ANKS1A: variants seen among roughly 807,000 people sequenced by gnomAD.
ANKS1A encodes the protein ankyrin repeat and SAM domain-containing protein 1A.
In ANKS1A, 55 loss-of-function variants were observed where a neutral mutation model predicts 120.3. The ratio of observed to expected loss-of-function variants is 0.46; its 90% CI spans 0.37 to 0.57. The LOEUF is 0.57. Ranked by LOEUF, ANKS1A falls within the 20% of genes least tolerant of loss-of-function variation. The pLI, the probability that ANKS1A is intolerant of heterozygous loss-of-function variation, is 0.00. For missense variants in ANKS1A, 1,123 were observed against 1,480.3 expected (o/e 0.76, Z 3.96); for synonymous variants, 590 against 604.7 (o/e 0.98, Z 0.36).
the ANKS1A span, among the ~76,000 whole-genome samples, chr6:35,097,197 A>G: frequency 1.3e-5 from 2 of 152,140 alleles, no homozygotes; most frequent in African/African-American, 4.8e-5. Context: ...TTAATAGTCT[A>G]CAAGAAAAAG....
intron 13 of ANKS1A, among the ~76,000 whole-genome samples, chr6:35,074,128 G>A (rs1360357172): frequency 2.0e-5 from 3 of 152,376 alleles, no homozygotes; most frequent in African/African-American, 7.2e-5. Context: ...TTTCCTCGCT[G>A]TCAGCCTTCA....
chr6:35,082,840 C>A lies in ANKS1A; in HGVS notation c.2835+24C>A. 1.2e-6 allele frequency: 2 copies of A among 1,600,278 alleles called. No homozygotes were observed. The highest frequency in any genetic ancestry group is 1.7e-6 in the Non-Finnish European group (2 of 1,173,302). The stretch of plus-strand genomic sequence containing the variant: ...ATGTGAGTTGCTCCCACCCTCCCAG[C>A]AGGGCCGGCCTCCCTGCTCCTTCTC... On this transcript the variant is annotated intron_variant, in intron 18 of 23. Transcript: ENST00000360359. This position sits in a 1 kb window ranked among gnomAD's most constrained non-coding sequence, Gnocchi z 4.1.
intron 13 of ANKS1A, among the ~76,000 whole-genome samples, chr6:35,070,533 A>G (rs1777029022): frequency 8.4e-6 from 1 of 118,356 alleles, no homozygotes; most frequent in South Asian, 2.8e-4. Context: ...TCTGTTGCCC[A>G]GGCTAGAGTA....
chr6:35,079,240 C>T (rs746253649), intron 14 of ANKS1A, among the ~76,000 whole-genome samples: 23 of 152,014 alleles, frequency 1.5e-4, no homozygotes, highest in Admixed American at 3.3e-4. Flanking sequence ...AGGGCGGAGG[C>T]GTTCTGCAGA....
At chr6:34,977,678 G>C (rs1279521601) in intron 3 of ANKS1A, among the ~76,000 whole-genome samples, 1 of 152,064 alleles carries the variant, frequency 6.6e-6, no homozygotes, top group East Asian at 1.9e-4. Context: ...CTGCTTTCCA[G>C]AACAATACAG....
chr6:34,889,879 T>G lies in ANKS1A; in HGVS notation c.197+280T>G, dbSNP rs13218101. Among the ~76,000 whole-genome samples, 1 of 151,978 alleles carries G rather than the reference T, an allele frequency of 6.6e-6. No homozygotes were observed. Among genetic ancestry groups the G allele is most frequent in the South Asian group, 2.1e-4 (1 of 4,820 alleles). ...GCCGCATGGCACAGCCAGGGTTCAC[T>G]CTCGCTCGCTACAGGGTGCCAGCTA... is the stretch of plus-strand genomic sequence containing the variant. On this transcript the variant is annotated intron_variant, in intron 1 of 23. Transcript: ENST00000360359. The surrounding 1 kb of genome is among the most constrained non-coding windows in gnomAD (Gnocchi z 5.5).
rs888923903 is a variant in ANKS1A at position 35,075,607 on chromosome 6, G to T, written c.2185-2951G>T. The stretch of plus-strand genomic sequence containing the variant: ...ATTTTTGTATATTTAGTAGAGACGG[G>T]GTTTCACCGTGTTGGTCAGGCTGGT... On this transcript the variant is annotated intron_variant, in intron 13 of 23. Transcript: ENST00000360359. Among the ~76,000 whole-genome samples, 4 of 151,932 alleles carry T rather than the reference G, an allele frequency of 2.6e-5. No individual in the cohort carries two copies. The South Asian group carries it at 8.3e-4, about 32-fold the overall frequency.
chr6:34,908,776 A>G lies in ANKS1A; in HGVS notation c.197+19177A>G, dbSNP rs548120484. ...TTTGCTGACCCTTTACAATAACAAC[A>G]TGGCCCCAGGACAGAGTCACCGTTT... On this transcript the variant is annotated intron_variant, in intron 1 of 23. Transcript: ENST00000360359. Among the ~76,000 whole-genome samples, 4 of 152,216 alleles carry G rather than the reference A, an allele frequency of 2.6e-5. No individual in the cohort carries two copies. In the South Asian group the frequency reaches 8.3e-4, roughly 32 times the overall value.
intron 11 of ANKS1A, among the ~76,000 whole-genome samples, chr6:35,018,573 A>G (rs996761758): frequency 6.6e-6 from 1 of 152,040 alleles, no homozygotes; most frequent in Non-Finnish European, 1.5e-5. Flanking sequence ...CAGGGGGTAC[A>G]TGTGCAGGTT....
At chr6:34,951,408 G>A (rs1045324721) in intron 1 of ANKS1A, among the ~76,000 whole-genome samples, 2 of 152,074 alleles carry the variant, frequency 1.3e-5, no homozygotes, top group Non-Finnish European at 2.9e-5. Context: ...TTACATAGAG[G>A]TTACATGATT....
At chr6:34,981,634 T>A in intron 3 of ANKS1A, 56 bp from the exon 4 acceptor site, 1 of 1,564,176 alleles carries the variant, frequency 6.4e-7, no homozygotes, top group Non-Finnish European at 8.7e-7. Context: ...GTTGTCCCAG[T>A]CAGGTGCCTG....
Position 34,889,353 on chromosome 6 carries a change from G to A in ANKS1A, c.-50G>A. The A allele has an allele frequency of 8.0e-7, 1 of 1,243,792 alleles. No homozygotes were observed. Among genetic ancestry groups the A allele is most frequent in the Non-Finnish European group, 1.0e-6 (1 of 995,350 alleles). 77.0% of individuals were successfully genotyped at this position (1,243,792 alleles called of 1,614,324 possible). On this transcript the variant is annotated 5_prime_UTR_variant, in exon 1 of 24. Transcript: ENST00000360359. The surrounding 1 kb of genome is among the most constrained non-coding windows in gnomAD (Gnocchi z 5.5). ...GACGGAAAGTTTGGGAGCCCGAGCA[G>A]GCTCGGCTGCAGCCTCGGGGAGGGG...
chr6:34,951,121 A>T (rs1336588441), intron 1 of ANKS1A, among the ~76,000 whole-genome samples: 1 of 152,206 alleles, frequency 6.6e-6, no homozygotes, highest in Non-Finnish European at 1.5e-5. Context: ...TGCATTTTCC[A>T]CGTCGTAGAT....
intron 10 of ANKS1A, among the ~76,000 whole-genome samples, chr6:35,000,458 A>G (rs1442381682): frequency 1.2e-5 from 1 of 81,466 alleles, no homozygotes; most frequent in African/African-American, 3.0e-5. Flanking sequence ...AAGAAAGTTC[A>G]CTTAAAAAAA....
chr6:35,096,719 C>T, the ANKS1A span, among the ~76,000 whole-genome samples: 177 of 152,304 alleles, frequency 1.2e-3, no homozygotes, highest in Admixed American at 4.8e-3. Context: ...ACAGGATTAT[C>T]TTTGCTCTTG....
intron 13 of ANKS1A, among the ~76,000 whole-genome samples, chr6:35,061,688 C>T (rs906227901): frequency 6.6e-6 from 1 of 152,220 alleles, no homozygotes; most frequent in Non-Finnish European, 1.5e-5. Flanking sequence ...TTTTAGAAAT[C>T]TTAAGTTTTA....
In ANKS1A at chr6:35,024,164, G is replaced by A. The variant is rs776066187; in HGVS notation, c.2010+6105G>A. On this transcript the variant is annotated intron_variant, in intron 11 of 23. Transcript: ENST00000360359. ...TGGCAGTGTCCTCAGCATCTCAGCT[G>A]TGTGTTCCTGCGGCAGAGTCTCCTT... 7.9e-5 allele frequency among the ~76,000 whole-genome samples: 12 copies of A among 152,172 alleles called. No homozygotes were observed. The South Asian group carries it at 1.0e-3, about 13-fold the overall frequency.
At chr6:35,011,980 G>A (rs1773783185) in intron 10 of ANKS1A, among the ~76,000 whole-genome samples, 1 of 152,162 alleles carries the variant, frequency 6.6e-6, no homozygotes, top group South Asian at 2.1e-4. Flanking sequence ...TTAGGTATTG[G>A]AGCTGAGACT....
At chr6:34,990,526 A>G (rs1772448847) in intron 9 of ANKS1A, among the ~76,000 whole-genome samples, 1 of 148,984 alleles carries the variant, frequency 6.7e-6, no homozygotes, top group South Asian at 2.1e-4. Flanking sequence ...GAGAAGCCTA[A>G]TAATAAGAAT....
Sources: allele counts gnomAD v4.1 joint callset (sites outside exome capture counted in the v4.1 genomes callset), GRCh38; gene constraint gnomAD v4.1.1; non-coding constraint Gnocchi (gnomAD v3.1); transcripts MANE v1.5; gene names NCBI Gene and HGNC (gene_info 2026-07-23, HGNC 2026-07-21).